DNAJC6: variants seen among roughly 807,000 people sequenced by gnomAD.
DNAJC6 encodes auxilin.
In DNAJC6, 34 loss-of-function variants were observed where a neutral mutation model predicts 110.0. The ratio of observed to expected loss-of-function variants is 0.31; its 90% confidence interval spans 0.24 to 0.41. The LOEUF (loss-of-function observed/expected upper bound fraction) is 0.41, where lower values mean the gene tolerates loss of function less well. DNAJC6 is among the 10% of genes least tolerant of loss of function. The pLI, the probability that DNAJC6 is intolerant of heterozygous loss-of-function variation, is 1.00. For synonymous variants in DNAJC6, 406 were observed against 437.2 expected, an observed-to-expected ratio of 0.93 and a Z score of 0.89; for missense variants, 1,031 against 1,207.8, an observed-to-expected ratio of 0.85 and a Z score of 2.17.
At chr1:65,342,019 A>T (rs1570301455) in intron 1 of DNAJC6, among the ~76,000 whole-genome samples, 1 of 152,166 alleles carries the variant, frequency 6.6e-6, no homozygotes, top group Non-Finnish European at 1.5e-5. Flanking sequence ...CTGTTCTTGC[A>T]AATATCCTTA....
At chr1:65,271,595 G>A (rs903926846) in intron 1 of DNAJC6, among the ~76,000 whole-genome samples, 1 of 151,902 alleles carries the variant, frequency 6.6e-6, no homozygotes, top group South Asian at 2.1e-4. Context: ...GGCCGGGTGC[G>A]GTGGCTTATG....
intron 1 of DNAJC6, among the ~76,000 whole-genome samples, chr1:65,358,071 C>T (rs1333789904): frequency 6.7e-6 from 1 of 149,666 alleles, no homozygotes; most frequent in Non-Finnish European, 1.5e-5. Flanking sequence ...CCCAGCTTAT[C>T]GGGAGGCCGA....
At chr1:65,273,324 C>T (rs183348278) in intron 1 of DNAJC6, among the ~76,000 whole-genome samples, 127 of 152,262 alleles carry the variant, frequency 8.3e-4, no homozygotes, top group African/African-American at 2.9e-3. Flanking sequence ...GCCGGCCAGG[C>T]GTGGTGGCTC....
At chr1:65,303,278 C>T (rs1374913061) in intron 1 of DNAJC6, among the ~76,000 whole-genome samples, 1 of 152,150 alleles carries the variant, frequency 6.6e-6, no homozygotes, top group African/African-American at 2.4e-5. Context: ...CTTCACCTGC[C>T]AGAGTTGCTC....
At chr1:65,366,264 C>T in intron 4 of DNAJC6, 68 bp downstream of exon 4, 2 of 1,547,540 alleles carry the variant, frequency 1.3e-6, no homozygotes, top group Admixed American at 1.8e-5. Flanking sequence ...TCAGAGATAC[C>T]CTTAAAGCAC....
intron 1 of DNAJC6, among the ~76,000 whole-genome samples, chr1:65,271,985 A>G (rs1020691048): frequency 3.9e-5 from 6 of 152,200 alleles, no homozygotes; most frequent in Admixed American, 3.3e-4. Flanking sequence ...GGGCCTTACT[A>G]TGTAGACCGT....
chr1:65,387,385 C>T (rs1027081097), intron 8 of DNAJC6, among the ~76,000 whole-genome samples: 1 of 152,182 alleles, frequency 6.6e-6, no homozygotes, highest in African/African-American at 2.4e-5. Context: ...GTTGTGCAAA[C>T]ATCACCACTA....
rs78360709 is a variant in DNAJC6, at chr1:65,336,277, A to G, written c.193+26339A>G. Among the ~76,000 whole-genome samples the G allele has an allele frequency of 6.0e-3, 913 of 152,110 alleles. 7 individuals carry two copies. Among genetic ancestry groups the G allele is most frequent in the African/African-American group, 0.02 (826 of 41,484 alleles). On this transcript the variant is annotated intron_variant, in intron 1 of 18. Coordinates refer to ENST00000371069, the MANE Select transcript of DNAJC6 (RefSeq NM_001256864.2). Reference sequence around the variant, plus strand: ...TATGAAACTATTATATCTTGTGAGAACTCACCACTATCACGAGAACAGGAG... The same window carrying G: ...TATGAAACTATTATATCTTGTGAGAGCTCACCACTATCACGAGAACAGGAG...
At chr1:65,295,492 G>A (rs754051359) in intron 1 of DNAJC6, among the ~76,000 whole-genome samples, 1 of 152,188 alleles carries the variant, frequency 6.6e-6, no homozygotes, top group Non-Finnish European at 1.5e-5. Flanking sequence ...GGCTATGGCA[G>A]CTCTAACCCA....
intron 1 of DNAJC6, among the ~76,000 whole-genome samples, chr1:65,286,929 C>A (rs1400561825): frequency 6.6e-6 from 1 of 152,146 alleles, no homozygotes; most frequent in Non-Finnish European, 1.5e-5. Flanking sequence ...AGCCAGGATT[C>A]CCATATAGGT....
intron 1 of DNAJC6, among the ~76,000 whole-genome samples, chr1:65,290,838 T>C (rs1198575460): frequency 6.6e-6 from 1 of 152,184 alleles, no homozygotes. Context: ...TACTTAGATA[T>C]AGATTGGATG....
At chr1:65,345,654 G>A (rs865921508) in intron 1 of DNAJC6, 119 of 963,146 alleles carry the variant, frequency 1.2e-4, no homozygotes, top group Middle Eastern at 1.1e-3. Context: ...AAAGTAACAC[G>A]TGGAGAGTCA....
chr1:65,281,729 C>T (rs758182402), intron 1 of DNAJC6, among the ~76,000 whole-genome samples: 51 of 151,928 alleles, frequency 3.4e-4, no homozygotes, highest in Non-Finnish European at 6.5e-4. Flanking sequence ...CTGCCTCAGC[C>T]TCCTGAGTAG....
intron 4 of DNAJC6, among the ~76,000 whole-genome samples, chr1:65,368,458 A>G (rs143572856): frequency 7.2e-5 from 11 of 151,924 alleles, no homozygotes; most frequent in African/African-American, 2.7e-4. Context: ...CTTAAAAGCT[A>G]CCCATGTCAC....
intron 1 of DNAJC6, among the ~76,000 whole-genome samples, chr1:65,341,316 A>C (rs1282305378): frequency 2.6e-5 from 4 of 152,046 alleles, no homozygotes; most frequent in African/African-American, 9.7e-5. Context: ...CATTCTGTGG[A>C]TTTTGCAGAG....
At position 65,290,426 on chromosome 1, in the gene DNAJC6, G is replaced by A. The variant is rs918356629; in HGVS notation, c.-131+25494G>A. Among the ~76,000 whole-genome samples the A allele has an allele frequency of 3.3e-5, 5 of 152,228 alleles. No homozygotes were observed. In the Middle Eastern group the frequency reaches 0.01, roughly 311 times the overall value. On this transcript the variant is annotated intron_variant, in intron 1 of 19. Transcript: ENST00000263441. ...AGTACTGTTTAAGAATTCTGTTTGCGTCAATATCGTGATATTACTTTATGT... is the reference window on the plus strand; with the variant it reads ...AGTACTGTTTAAGAATTCTGTTTGCATCAATATCGTGATATTACTTTATGT...
intron 4 of DNAJC6, among the ~76,000 whole-genome samples, chr1:65,372,318 G>C (rs1645715055): frequency 6.6e-6 from 1 of 152,092 alleles, no homozygotes; most frequent in Non-Finnish European, 1.5e-5. Context: ...TATGGTACAT[G>C]TGGACAAATC....
rs187262958 is a variant in DNAJC6 at position 65,328,392 on chromosome 1, G to T, written c.193+18454G>T. Among the ~76,000 whole-genome samples the T allele has an allele frequency of 1.3e-3, 192 of 152,286 alleles. 1 individual carries two copies. Among genetic ancestry groups the T allele is most frequent in the African/African-American group, 4.1e-3 (169 of 41,554 alleles). On this transcript the variant is annotated intron_variant, in intron 1 of 18. Coordinates refer to ENST00000371069, the MANE Select transcript of DNAJC6 (RefSeq NM_001256864.2). Reference sequence around the variant, plus strand: ...ATGCAGTTGTGAGAAACAGTACAGAGAGATAGCTGTAAACTTTGCCCATTT... The same window carrying T: ...ATGCAGTTGTGAGAAACAGTACAGATAGATAGCTGTAAACTTTGCCCATTT...
intron 1 of DNAJC6, among the ~76,000 whole-genome samples, chr1:65,338,252 G>T (rs1413659091): frequency 6.6e-6 from 1 of 152,138 alleles, no homozygotes; most frequent in East Asian, 1.9e-4. Context: ...GTTCTCAGTT[G>T]CACCAGTGTA....
Sources: gnomAD v4.1 joint callset for allele counts (sites outside exome capture counted in the v4.1 genomes callset) on GRCh38, gnomAD v4.1.1 for gene constraint, MANE v1.5 for transcripts, NCBI Gene and HGNC (gene_info 2026-07-23, HGNC 2026-07-21) for gene names.